GRAMD1C: variants seen among roughly 807,000 people sequenced by gnomAD.
GRAMD1C encodes the protein protein Aster-C.
In GRAMD1C, 89 loss-of-function variants were observed where a neutral mutation model predicts 97.8. The ratio of observed to expected loss-of-function variants is 0.91; its 90% CI spans 0.77 to 1.09. GRAMD1C has a LOEUF of 1.09. Ranked by LOEUF, GRAMD1C falls within the 50% of genes least tolerant of loss-of-function variation. The pLI, the probability that GRAMD1C is intolerant of heterozygous loss-of-function variation, is 0.00. For missense variants in GRAMD1C, 740 were observed against 766.4 expected (o/e 0.97, Z 0.41); for synonymous variants, 256 against 267.0 (o/e 0.96, Z 0.40).
At chr3:113,894,815 G>A (rs1935871052) in intron 6 of GRAMD1C, among the ~76,000 whole-genome samples, 2 of 152,036 alleles carry the variant, frequency 1.3e-5, no homozygotes, top group Non-Finnish European at 2.9e-5. Flanking sequence ...TAGATTCAGG[G>A]GTAAAGTAAT....
chr3:113,923,608 G>T (rs773401738), intron 10 of GRAMD1C, among the ~76,000 whole-genome samples: 4 of 152,178 alleles, frequency 2.6e-5, no homozygotes, highest in Non-Finnish European at 4.4e-5. Context: ...TTGCATTCCA[G>T]GGATAAAGCC....
In GRAMD1C at chr3:113,890,406, C is replaced by T. The variant is rs1441885216; in HGVS notation, c.540+7574C>T. On this transcript the variant is annotated intron_variant, in intron 6 of 17. Transcript: ENST00000358160. ...GGGCAGCAGGTCCTGCAGTGCATGTCGTCTACTACAAGGGCGTGGAGCAAT... is the reference window on the plus strand; with the variant it reads ...GGGCAGCAGGTCCTGCAGTGCATGTTGTCTACTACAAGGGCGTGGAGCAAT... 5.3e-5 allele frequency among the ~76,000 whole-genome samples: 8 copies of T among 152,316 alleles called. No homozygotes were observed. The East Asian group carries it at 1.3e-3, about 26-fold the overall frequency.
At chr3:113,892,069 G>T (rs1454047468) in intron 6 of GRAMD1C, among the ~76,000 whole-genome samples, 1 of 151,906 alleles carries the variant, frequency 6.6e-6, no homozygotes, top group Non-Finnish European at 1.5e-5. Context: ...GTGTGCATTT[G>T]TTTTATTTAT....
In GRAMD1C at chr3:113,876,237, C is replaced by T. The variant is rs1444243588; in HGVS notation, c.436C>T (p.Gln146Ter). 6.3e-7 allele frequency: 1 copy of T among 1,582,078 alleles called. No homozygotes were observed. The highest frequency in any genetic ancestry group is 8.7e-7 in the Non-Finnish European group (1 of 1,151,924). The change falls in exon 5 of 18, where the codon CAG (glutamine) becomes TAG (stop). Residue 146 changes from glutamine to a stop codon, truncating the protein, a stop_gained. Transcript: ENST00000358160. LOFTEE classifies it high-confidence loss of function. ...TGCTCGACTCATCCCAAACGCTATC[C>T]AGATAGTTACAGAAAGTGAAAAGGT... ...KTARLIPNAIQIVTESEKFFF... is the reference protein window; with the variant it reads ...KTARLIPNAI
intron 5 of GRAMD1C, among the ~76,000 whole-genome samples, chr3:113,879,073 T>G (rs750830836): frequency 1.3e-5 from 2 of 151,968 alleles, no homozygotes; most frequent in African/African-American, 2.4e-5. Context: ...GGCATGGTGG[T>G]GCACACCTGT....
intron 3 of GRAMD1C, among the ~76,000 whole-genome samples, chr3:113,874,226 T>G (rs2399492): frequency 0.3 from 46,035 of 152,154 alleles, 7,962 homozygotes; most frequent in Non-Finnish European, 0.38. Context: ...CCTTTGTATC[T>G]TATATTACTA....
upstream of GRAMD1C, chr3:113,838,514 T>C (rs1460968405): frequency 5.7e-6 from 1 of 175,940 alleles, no homozygotes; most frequent in Non-Finnish European, 1.2e-5. Flanking sequence ...GAGGTTGCAG[T>C]TAGCCGAGAC....
At chr3:113,844,460 A>G in intron 1 of GRAMD1C, 43 bp from the exon 2 acceptor site, 1 of 1,414,930 alleles carries the variant, frequency 7.1e-7, no homozygotes, top group Non-Finnish European at 9.9e-7. Context: ...TAAAATGGCC[A>G]TTTCTCAATA....
chr3:113,920,294 G>A (rs893749703), intron 10 of GRAMD1C: 11 of 496,352 alleles, frequency 2.2e-5, no homozygotes, highest in African/African-American at 2.2e-4. Context: ...GTAGAGGGGA[G>A]AAAGAGCAAA....
chr3:113,833,124 T>C (rs376382701), intron 1 of GRAMD1C, among the ~76,000 whole-genome samples: 35 of 133,472 alleles, frequency 2.6e-4, no homozygotes, highest in East Asian at 7.8e-4. Flanking sequence ...TTCTTTCTTT[T>C]TTTTTTTTTT....
At chr3:113,933,252 G>C (rs140329759) in intron 11 of GRAMD1C, among the ~76,000 whole-genome samples, 2 of 151,958 alleles carry the variant, frequency 1.3e-5, no homozygotes, top group Non-Finnish European at 2.9e-5. Flanking sequence ...GGCTGGTCCC[G>C]AATTCCTGAC....
intron 2 of GRAMD1C, among the ~76,000 whole-genome samples, chr3:113,869,069 T>G (rs1432097785): frequency 6.6e-6 from 1 of 152,088 alleles, no homozygotes; most frequent in East Asian, 1.9e-4. Flanking sequence ...CTGCCAGTTT[T>G]CATGATCTGT....
chr3:113,876,475 C>T (rs540180476), intron 5 of GRAMD1C, among the ~76,000 whole-genome samples: 13 of 152,228 alleles, frequency 8.5e-5, no homozygotes, highest in African/African-American at 3.1e-4. Context: ...ATAACTTTCA[C>T]TCATATTTTT....
chr3:113,889,889 C>T (rs750462370), intron 6 of GRAMD1C, among the ~76,000 whole-genome samples: 7 of 152,148 alleles, frequency 4.6e-5, no homozygotes, highest in African/African-American at 9.7e-5. Flanking sequence ...CTGCCTGCCT[C>T]GGCCTCCCAA....
At chr3:113,861,756 A>G (rs1479998588) in intron 2 of GRAMD1C, among the ~76,000 whole-genome samples, 2 of 152,332 alleles carry the variant, frequency 1.3e-5, no homozygotes, top group East Asian at 3.9e-4. Flanking sequence ...CATGTCCAAC[A>G]TCAATAGTTA....
At chr3:113,871,484 G>T (rs147393258) in intron 3 of GRAMD1C, among the ~76,000 whole-genome samples, 6 of 152,038 alleles carry the variant, frequency 3.9e-5, no homozygotes, top group Non-Finnish European at 8.8e-5. Context: ...CCTGGACAAC[G>T]TAGTGAGACC....
upstream of GRAMD1C, among the ~76,000 whole-genome samples, chr3:113,834,030 C>A (rs1655862494): frequency 6.6e-6 from 1 of 152,184 alleles, no homozygotes. Context: ...TTACTACCAA[C>A]TATTCTTCTA....
intron 1 of GRAMD1C, among the ~76,000 whole-genome samples, chr3:113,828,794 C>T (rs529969392): frequency 4.9e-4 from 74 of 152,230 alleles, no homozygotes; most frequent in African/African-American, 1.7e-3. Context: ...GTGCCTTGTC[C>T]TCTGCCCCAA....
At chr3:113,844,101 A>C (rs1400782135) in intron 1 of GRAMD1C, among the ~76,000 whole-genome samples, 2 of 152,168 alleles carry the variant, frequency 1.3e-5, no homozygotes, top group Admixed American at 6.5e-5. Flanking sequence ...CCTAGCAAAT[A>C]ATAGTAGTTG....
Sources: gnomAD v4.1 joint callset for allele counts (sites outside exome capture counted in the v4.1 genomes callset) on GRCh38, gnomAD v4.1.1 for gene constraint, MANE v1.5 for transcripts, NCBI Gene and HGNC (gene_info 2026-07-23, HGNC 2026-07-21) for gene names.